The following ERC1 variants were observed in gnomAD, a reference collection of about 807,000 sequenced individuals.
ERC1 encodes the protein ELKS/RAB6-interacting/CAST family member 1.
Under a neutral mutation model 132.0 loss-of-function variants are expected in ERC1, and 56 were observed. The ratio of observed to expected loss-of-function variants is 0.42; its 90% CI spans 0.34 to 0.53. The LOEUF (loss-of-function observed/expected upper bound fraction) is 0.53. Ranked by LOEUF, ERC1 falls within the 20% of genes least tolerant of loss-of-function variation. The pLI, the probability that ERC1 is intolerant of heterozygous loss-of-function variation, is 0.03. For synonymous variants in ERC1, 478 were observed against 476.1 expected (o/e 1.00, Z -0.05); for missense variants, 1,202 against 1,349.9 (o/e 0.89, Z 1.72).
chr12:1,096,256 G>C (rs1944025812), intron 3 of ERC1, among the ~76,000 whole-genome samples: 1 of 152,112 alleles, frequency 6.6e-6, no homozygotes, highest in African/African-American at 2.4e-5. Flanking sequence ...GGATTTTTCG[G>C]TTTTCTTTAG....
At chr12:1,426,102 AT>A (rs200517286) in intron 17 of ERC1, among the ~76,000 whole-genome samples, 16,518 of 138,532 alleles carry the variant, frequency 0.12, 1,404 homozygotes, top group African/African-American at 0.26. Flanking sequence ...GAGTTTTTAG[AT>A]TTTTTTTTTT....
intron 16 of ERC1, among the ~76,000 whole-genome samples, chr12:1,379,577 A>G (rs1326092151): frequency 7.2e-5 from 11 of 152,192 alleles, no homozygotes; most frequent in Admixed American, 7.2e-4. Flanking sequence ...GTTATCTACT[A>G]CTGCATAAAA....
chr12:1,282,225 A>G (rs2078728969), intron 14 of ERC1, among the ~76,000 whole-genome samples: 1 of 152,122 alleles, frequency 6.6e-6, no homozygotes, highest in Admixed American at 6.5e-5. Flanking sequence ...GTACAGCAGG[A>G]TGGAGTCGGA....
intron 1 of ERC1, among the ~76,000 whole-genome samples, chr12:1,003,104 AAAAAAAAAAAGACTC>A (rs1962764083): frequency 7.4e-6 from 1 of 135,532 alleles, no homozygotes; most frequent in Non-Finnish European, 1.7e-5. Flanking sequence ...TGCAAAAAAA[AAAAAAAAAAAGACTC>A]AAAAAAAAAA....
Position 1,181,947 on chromosome 12 carries a change from A to G in ERC1, c.1898A>G (p.Lys633Arg), listed in dbSNP as rs746678176. 6.2e-7 allele frequency: 1 copy of G among 1,613,992 alleles called. No individual in the cohort carries two copies. The highest frequency in any genetic ancestry group is 8.5e-7 in the Non-Finnish European group (1 of 1,179,908). ...AEKERTIERL[K>R]EQRDRDEREK... ...CAGGAGCGGACAATTGAACGCTTAA[A>G]GGAGCAGAGGGACAGAGATGAGCGA... Residue 633 changes from lysine (K) to arginine (R), a missense_variant, in exon 10 of 19, where the codon AAG becomes AGG. Coordinates refer to ENST00000360905, the MANE Select transcript of ERC1 (RefSeq NM_178040.4).
intron 2 of ERC1, among the ~76,000 whole-genome samples, chr12:1,037,958 A>G (rs187168068): frequency 2.6e-5 from 4 of 151,716 alleles, no homozygotes; most frequent in East Asian, 2.0e-4. Flanking sequence ...GCAGGAGAAT[A>G]GCGTGAACCC....
chr12:1,264,976 A>G (rs949599762), intron 14 of ERC1, among the ~76,000 whole-genome samples: 2 of 152,190 alleles, frequency 1.3e-5, no homozygotes, highest in Non-Finnish European at 2.9e-5. Flanking sequence ...ATAGAAAAAA[A>G]GACCAACCTC....
chr12:1,199,646 C>T (rs12815907), intron 12 of ERC1, among the ~76,000 whole-genome samples: 6,924 of 151,944 alleles, frequency 0.046, 240 homozygotes, highest in Non-Finnish European at 0.073. Context: ...GGCATGGTGG[C>T]AGGCACCTGT....
chr12:1,362,092 G>A (rs1365327114), intron 15 of ERC1, among the ~76,000 whole-genome samples: 1 of 152,136 alleles, frequency 6.6e-6, no homozygotes, highest in Non-Finnish European at 1.5e-5. Context: ...ACTATTGTGT[G>A]CATGTGAAAT....
At chr12:1,229,205 T>C in intron 12 of ERC1, among the ~76,000 whole-genome samples, 1 of 152,178 alleles carries the variant, frequency 6.6e-6, no homozygotes, top group Non-Finnish European at 1.5e-5. Flanking sequence ...ATTGGTCTGT[T>C]CAGCTATTAA....
chr12:1,242,810 CAG>C (rs2075894319), intron 13 of ERC1, among the ~76,000 whole-genome samples: 1 of 152,116 alleles, frequency 6.6e-6, no homozygotes, highest in Admixed American at 6.5e-5. Context: ...ACCAATAAAA[CAG>C]AATAATACAA....
At chr12:1,401,216 G>T (rs535215891) in intron 16 of ERC1, among the ~76,000 whole-genome samples, 103 of 152,148 alleles carry the variant, frequency 6.8e-4, no homozygotes, top group African/African-American at 2.4e-3. Context: ...TTACAGGCGT[G>T]AGCCACCGCG....
intron 18 of ERC1, among the ~76,000 whole-genome samples, chr12:1,466,629 G>C (rs1382167970): frequency 1.3e-5 from 2 of 152,146 alleles, no homozygotes; most frequent in Non-Finnish European, 2.9e-5. Context: ...GGCTCTGCCT[G>C]TTAAAAGGTA....
chr12:1,095,397 C>A (rs868757857), intron 3 of ERC1, among the ~76,000 whole-genome samples: 2,263 of 132,498 alleles, frequency 0.017, 3 homozygotes, highest in Middle Eastern at 0.031. Flanking sequence ...GCCACTGCAC[C>A]AAAAAAAAAA....
intron 1 of ERC1, chr12:991,917 C>G (rs1959493700): frequency 6.7e-6 from 1 of 149,752 alleles, no homozygotes; most frequent in Non-Finnish European, 1.5e-5. Flanking sequence ...AGTTGCAGAA[C>G]CTATTTTATT....
intron 16 of ERC1, among the ~76,000 whole-genome samples, chr12:1,400,137 G>A (rs1324813409): frequency 1.3e-5 from 2 of 152,090 alleles, no homozygotes; most frequent in African/African-American, 2.4e-5. Context: ...TTGCTTCTCC[G>A]TTGTTCCTGT....
chr12:999,633 G>C (rs1229338877), intron 1 of ERC1, among the ~76,000 whole-genome samples: 1 of 49,508 alleles, frequency 2.0e-5, no homozygotes, highest in Non-Finnish European at 3.5e-5. Flanking sequence ...TTTTTTTTGA[G>C]ATGGAGTTTC....
At chr12:1,164,277 T>A (rs1387862521) in intron 8 of ERC1, among the ~76,000 whole-genome samples, 2 of 150,940 alleles carry the variant, frequency 1.3e-5, no homozygotes, top group Non-Finnish European at 3.0e-5. Context: ...TGTTGTTATT[T>A]TATGTTATTT....
intron 13 of ERC1, among the ~76,000 whole-genome samples, chr12:1,259,150 A>G (rs1032465271): frequency 1.3e-5 from 2 of 152,174 alleles, no homozygotes; most frequent in African/African-American, 4.8e-5. Flanking sequence ...TCTTAGAATA[A>G]TAGTCACTTC....
Sources: allele counts gnomAD v4.1 joint callset (sites outside exome capture counted in the v4.1 genomes callset), GRCh38; gene constraint gnomAD v4.1.1; transcripts MANE v1.5; gene names NCBI Gene and HGNC (gene_info 2026-07-23, HGNC 2026-07-21).